The following KCNMA1 variants were observed in gnomAD, a reference collection of about 807,000 sequenced individuals.
KCNMA1 encodes the protein Calcium-activated potassium channel subunit alpha-1.
A neutral mutation model predicts 140.0 loss-of-function variants in KCNMA1; 29 were observed. The ratio of observed to expected loss-of-function variants is 0.21; its 90% CI spans 0.15 to 0.28. KCNMA1 has a LOEUF of 0.28. Ranked by LOEUF, KCNMA1 falls within the 10% of genes least tolerant of loss-of-function variation. The pLI is 1.00. For missense variants in KCNMA1, 880 were observed against 1,602.2 expected (o/e 0.55, Z 7.70); for synonymous variants, 612 against 611.9 (o/e 1.00, Z 0.00).
At chr10:77,581,858 T>G (rs1050061742) in intron 1 of KCNMA1, among the ~76,000 whole-genome samples, 6 of 152,182 alleles carry the variant, frequency 3.9e-5, no homozygotes, top group Non-Finnish European at 7.3e-5. Flanking sequence ...TGCTCCTCAA[T>G]GGAGGAAGAC....
chr10:77,584,868 C>T (rs2720001), intron 1 of KCNMA1, among the ~76,000 whole-genome samples: 46,230 of 152,092 alleles, frequency 0.3, 7,442 homozygotes, highest in Non-Finnish European at 0.37. Context: ...GCACTTAAGG[C>T]TTCCACAGCA....
At chr10:77,292,949 A>G (rs2607800) in intron 2 of KCNMA1, among the ~76,000 whole-genome samples, 127,539 of 152,186 alleles carry the variant, frequency 0.84, 53,620 homozygotes, top group Middle Eastern at 0.9. Flanking sequence ...GGATTTGGGG[A>G]TGGAGAGCTA....
At chr10:77,565,168 C>T (rs1242377609) in intron 1 of KCNMA1, among the ~76,000 whole-genome samples, 3 of 152,210 alleles carry the variant, frequency 2.0e-5, no homozygotes, top group Non-Finnish European at 4.4e-5. Flanking sequence ...TCCTGCCTTG[C>T]ACCCAGCACT....
chr10:77,514,022 C>G (rs182363692), intron 1 of KCNMA1, among the ~76,000 whole-genome samples: 5 of 152,382 alleles, frequency 3.3e-5, no homozygotes, highest in Non-Finnish European at 7.3e-5. Context: ...AGTGCCAGCA[C>G]AGAGCACCAC....
intron 1 of KCNMA1, among the ~76,000 whole-genome samples, chr10:77,521,794 A>G (rs2053492264): frequency 6.6e-6 from 1 of 152,096 alleles, no homozygotes; most frequent in Non-Finnish European, 1.5e-5. Context: ...ATCTCCCAAC[A>G]CCAGGATCCT....
chr10:77,078,634 C>T (rs912702536), intron 13 of KCNMA1, among the ~76,000 whole-genome samples: 11 of 152,228 alleles, frequency 7.2e-5, no homozygotes, highest in Non-Finnish European at 1.3e-4. Flanking sequence ...CACTAGTTCA[C>T]CTGGTCTCAG....
chr10:76,958,941 C>T (rs557034712), intron 20 of KCNMA1, among the ~76,000 whole-genome samples: 6 of 152,116 alleles, frequency 3.9e-5, no homozygotes, highest in Non-Finnish European at 7.3e-5. Flanking sequence ...TGAAGGCCCC[C>T]GGCTGCCCTT....
intron 1 of KCNMA1, among the ~76,000 whole-genome samples, chr10:77,556,919 G>A (rs2064719742): frequency 7.9e-6 from 1 of 126,238 alleles, no homozygotes; most frequent in Non-Finnish European, 1.7e-5. Context: ...CAATCTCCTA[G>A]GACCCCTGCC....
At chr10:77,573,642 GGAATAGAATAGAATAGAATA>G (rs57641471) in intron 1 of KCNMA1, among the ~76,000 whole-genome samples, 2,662 of 64,362 alleles carry the variant, frequency 0.041, 134 homozygotes, top group Admixed American at 0.044. Flanking sequence ...GGAATGGAAT[GGAATAGAATAGAATAGAATA>G]GAATAGAATA....
chr10:77,525,327 C>G (rs540542708), intron 1 of KCNMA1, among the ~76,000 whole-genome samples: 9 of 152,216 alleles, frequency 5.9e-5, no homozygotes, highest in Non-Finnish European at 8.8e-5. Flanking sequence ...TATGTCCTTA[C>G]AGGTTGGAAC....
chr10:77,168,441 C>G (rs1021713578), intron 5 of KCNMA1, among the ~76,000 whole-genome samples: 1 of 152,216 alleles, frequency 6.6e-6, no homozygotes, highest in African/African-American at 2.4e-5. Context: ...GCCTCCTACA[C>G]ACCTAGGCTA....
chr10:77,217,639 A>T, intron 3 of KCNMA1: 1 of 420,720 alleles, frequency 2.4e-6, no homozygotes, highest in South Asian at 1.7e-5. Flanking sequence ...GGAGAAAAAA[A>T]GTGGTATGAA....
chr10:77,061,307 T>C (rs1309572557), intron 14 of KCNMA1, among the ~76,000 whole-genome samples: 1 of 152,058 alleles, frequency 6.6e-6, no homozygotes, highest in African/African-American at 2.4e-5. Context: ...TATAAAGAAT[T>C]CTTAAACAGT....
chr10:77,376,939 A>G (rs1399916407), intron 2 of KCNMA1, among the ~76,000 whole-genome samples: 1 of 147,092 alleles, frequency 6.8e-6, no homozygotes, highest in African/African-American at 2.6e-5. Context: ...TTCCCTCTCA[A>G]AATAAATAAA....
At chr10:77,276,429 T>C (rs980979299) in intron 2 of KCNMA1, among the ~76,000 whole-genome samples, 8 of 152,204 alleles carry the variant, frequency 5.3e-5, no homozygotes, top group African/African-American at 9.6e-5. Context: ...GAAACACTCA[T>C]TGATCACAGA....
chr10:77,517,860 C>G (rs1465130478), intron 1 of KCNMA1, among the ~76,000 whole-genome samples: 1 of 152,102 alleles, frequency 6.6e-6, no homozygotes, highest in East Asian at 1.9e-4. Flanking sequence ...GTTGAGGAAA[C>G]AGGCGATAAG....
chr10:76,928,165 T>C (rs1283664524), intron 23 of KCNMA1, among the ~76,000 whole-genome samples: 2 of 152,002 alleles, frequency 1.3e-5, no homozygotes, highest in African/African-American at 4.8e-5. Flanking sequence ...TGAATTAATC[T>C]CCTTGAAACA....
intron 18 of KCNMA1, among the ~76,000 whole-genome samples, chr10:77,004,213 CCACACACACACACA>C (rs35789536): frequency 2.8e-5 from 4 of 144,368 alleles, no homozygotes; most frequent in South Asian, 2.2e-4. Flanking sequence ...ACAAGTGCCA[CCACACACACACACA>C]CACACACACA....
intron 2 of KCNMA1, among the ~76,000 whole-genome samples, chr10:77,400,523 G>A (rs563378231): frequency 7.2e-5 from 11 of 152,332 alleles, no homozygotes; most frequent in Non-Finnish European, 1.2e-4. Context: ...GCTTAGAAAA[G>A]AAAAGGCATT....
Sources: gnomAD v4.1 joint callset for allele counts (sites outside exome capture counted in the v4.1 genomes callset) on GRCh38, gnomAD v4.1.1 for gene constraint, MANE v1.5 for transcripts, NCBI Gene and HGNC (gene_info 2026-07-23, HGNC 2026-07-21) for gene names.